The following ENOX1 variants were observed in gnomAD, a reference collection of about 807,000 sequenced individuals.
The protein encoded by ENOX1 is ecto-NOX disulfide-thiol exchanger 1.
A neutral mutation model predicts 82.5 loss-of-function variants in ENOX1; 42 were observed. The observed-to-expected ratio is 0.51, with a 90% CI of 0.40 to 0.66. ENOX1 has a LOEUF of 0.66. ENOX1 is among the 30% of genes least tolerant of loss of function. ENOX1 has a pLI of 0.00. For synonymous variants in ENOX1, 271 were observed against 282.2 expected, an observed-to-expected ratio of 0.96 and a Z score of 0.40; for missense variants, 608 against 811.6, an observed-to-expected ratio of 0.75 and a Z score of 3.05.
intron 2 of ENOX1, among the ~76,000 whole-genome samples, chr13:43,610,233 A>AC (rs1343140176): frequency 2.6e-5 from 4 of 152,174 alleles, no homozygotes; most frequent in Non-Finnish European, 5.9e-5. Flanking sequence ...TTTTTGCAAC[A>AC]TTTTGCAGGT....
intron 3 of ENOX1, among the ~76,000 whole-genome samples, chr13:43,419,351 G>T (rs931187238): frequency 1.3e-5 from 2 of 152,006 alleles, no homozygotes; most frequent in Non-Finnish European, 2.9e-5. Flanking sequence ...TTGAGACCAG[G>T]CTGGGCAACA....
chr13:43,658,049 T>G (rs921839943), intron 2 of ENOX1, among the ~76,000 whole-genome samples: 4 of 152,106 alleles, frequency 2.6e-5, no homozygotes, highest in African/African-American at 9.7e-5. Context: ...TCACTGACAA[T>G]GACTAAAAAG....
intron 2 of ENOX1, among the ~76,000 whole-genome samples, chr13:43,624,712 A>C (rs1364056739): frequency 2.0e-5 from 3 of 152,056 alleles, no homozygotes; most frequent in African/African-American, 7.2e-5. Flanking sequence ...ACTTCTGTTC[A>C]TATTTGTGTG....
chr13:43,476,059 A>G (rs2058269888), intron 3 of ENOX1, among the ~76,000 whole-genome samples: 1 of 152,134 alleles, frequency 6.6e-6, no homozygotes. Flanking sequence ...TTGAAGTGTT[A>G]GAGTGTTTCA....
chr13:43,596,941 T>C (rs2081500685), intron 2 of ENOX1, among the ~76,000 whole-genome samples: 1 of 152,204 alleles, frequency 6.6e-6, no homozygotes, highest in Non-Finnish European at 1.5e-5. Context: ...CACACGGCTC[T>C]AAAGAACTAC....
intron 3 of ENOX1, among the ~76,000 whole-genome samples, chr13:43,474,264 A>G (rs560233745): frequency 2.6e-5 from 4 of 152,226 alleles, no homozygotes; most frequent in African/African-American, 9.6e-5. Flanking sequence ...GAGAGTGTAC[A>G]ACTGCCCTTG....
chr13:43,534,806 T>C (rs2078381258), intron 2 of ENOX1, among the ~76,000 whole-genome samples: 1 of 152,112 alleles, frequency 6.6e-6, no homozygotes, highest in African/African-American at 2.4e-5. Context: ...AAGCAGAAGT[T>C]AGGGGTGCTG....
intron 9 of ENOX1, among the ~76,000 whole-genome samples, chr13:43,342,008 T>C (rs376183532): frequency 3.5e-4 from 53 of 152,274 alleles, no homozygotes; most frequent in African/African-American, 1.1e-3. Flanking sequence ...AAAGAAGATG[T>C]GATGGCAGGC....
In ENOX1 at chr13:43,686,541, C is replaced by T. The variant is rs142106649; in HGVS notation, c.-284-18997G>A. Among the ~76,000 whole-genome samples the T allele has an allele frequency of 1.2e-3, 177 of 152,248 alleles. 5 individuals are homozygous for T. The East Asian group carries it at 0.015, about 13-fold the overall frequency. On this transcript the variant is annotated intron_variant, in intron 1 of 16. Coordinates refer to ENST00000690772, the MANE Select transcript of ENOX1 (RefSeq NM_001347969.2). ...CTGAGGCAAAAGGAGGTTCTGAACTCGAACCATATGAATGTTGACCCACAA... is the reference window on the plus strand; with the variant it reads ...CTGAGGCAAAAGGAGGTTCTGAACTTGAACCATATGAATGTTGACCCACAA...
chr13:43,605,576 A>G (rs931921457), intron 2 of ENOX1, among the ~76,000 whole-genome samples: 1 of 152,182 alleles, frequency 6.6e-6, no homozygotes, highest in Non-Finnish European at 1.5e-5. Flanking sequence ...TCTTCAATAA[A>G]TGGTGCTGGA....
At chr13:43,479,804 T>C (rs2058437833) in intron 3 of ENOX1, among the ~76,000 whole-genome samples, 1 of 152,236 alleles carries the variant, frequency 6.6e-6, no homozygotes, top group Non-Finnish European at 1.5e-5. Flanking sequence ...TCTGGGCAGT[T>C]GCAGACCTCC....
intron 2 of ENOX1, among the ~76,000 whole-genome samples, chr13:43,640,879 C>A (rs1041707400): frequency 3.3e-4 from 45 of 137,688 alleles, no homozygotes; most frequent in Non-Finnish European, 6.1e-4. Context: ...TGCACACACA[C>A]ACGCGCACAC....
At chr13:43,679,210 GT>G (rs1026577295) in intron 1 of ENOX1, among the ~76,000 whole-genome samples, 18 of 152,170 alleles carry the variant, frequency 1.2e-4, no homozygotes, top group Non-Finnish European at 2.6e-4. Context: ...TTCCTTGAGG[GT>G]TTTTTAAGTC....
At chr13:43,746,758 G>A (rs1458086445) in intron 1 of ENOX1, among the ~76,000 whole-genome samples, 1 of 152,048 alleles carries the variant, frequency 6.6e-6, no homozygotes, top group Non-Finnish European at 1.5e-5. Flanking sequence ...AAAACTGGAG[G>A]AAAGTACACA....
chr13:43,784,663 T>G (rs1952465846), intron 1 of ENOX1, among the ~76,000 whole-genome samples: 1 of 152,262 alleles, frequency 6.6e-6, no homozygotes, highest in African/African-American at 2.4e-5. Flanking sequence ...CCCACTTTGT[T>G]TTGATATGGG....
chr13:43,459,861 G>A (rs1318146533), intron 3 of ENOX1, among the ~76,000 whole-genome samples: 1 of 152,110 alleles, frequency 6.6e-6, no homozygotes, highest in African/African-American at 2.4e-5. Context: ...GGGTGTGGTG[G>A]CACGCGCCTG....
intron 9 of ENOX1, among the ~76,000 whole-genome samples, chr13:43,331,825 G>T (rs1266784321): frequency 3.9e-5 from 6 of 152,166 alleles, no homozygotes; most frequent in African/African-American, 4.8e-5. Context: ...ATAAGAGGAA[G>T]CTGCTGCTAT....
At chr13:43,309,249 T>C (rs1337762945) in intron 11 of ENOX1, among the ~76,000 whole-genome samples, 1 of 152,084 alleles carries the variant, frequency 6.6e-6, no homozygotes, top group Non-Finnish European at 1.5e-5. Context: ...CTGGAACTCT[T>C]GACCTCAAAT....
At chr13:43,656,314 C>A (rs942907684) in intron 2 of ENOX1, among the ~76,000 whole-genome samples, 3 of 152,102 alleles carry the variant, frequency 2.0e-5, no homozygotes, top group African/African-American at 7.2e-5. Context: ...GTAATGCAGG[C>A]AGAAAGAATG....
Sources: allele counts gnomAD v4.1 joint callset (sites outside exome capture counted in the v4.1 genomes callset), GRCh38; gene constraint gnomAD v4.1.1; transcripts MANE v1.5; gene names NCBI Gene and HGNC (gene_info 2026-07-23, HGNC 2026-07-21).